Variants in SLC22A8 observed in about 807,000 individuals in gnomAD.
SLC22A8 encodes the protein organic anion transporter 3.
Under a neutral mutation model 48.4 loss-of-function variants are expected in SLC22A8, and 40 were observed. That is an observed-to-expected ratio of 0.83 (90% CI 0.64 to 1.08). The LOEUF (loss-of-function observed/expected upper bound fraction) is 1.08. SLC22A8 is among the 50% of genes least tolerant of loss of function. SLC22A8 has a pLI of 0.00. For synonymous variants in SLC22A8, 268 were observed against 286.3 expected, an observed-to-expected ratio of 0.94 and a Z score of 0.65; for missense variants, 606 against 699.0, an observed-to-expected ratio of 0.87 and a Z score of 1.50.
In SLC22A8 at chr11:62,999,742, G is replaced by A. The variant is rs147357020; in HGVS notation, c.538C>T (p.Arg180Cys). 6.8e-6 allele frequency: 11 copies of A among 1,606,854 alleles called. No homozygotes were observed. The highest frequency in any genetic ancestry group is 5.4e-5 in the African/African-American group (4 of 74,618). ...SPTFPIYMVF[R>C]FLCGFGISGI... is the part of the protein sequence containing the mutation. Reference sequence around the variant, plus strand: ...GAGATGCCAAAGCCACACAGGAAGCGGAAGACCATGTAGATGGGGAAGGTG... The same window carrying A: ...GAGATGCCAAAGCCACACAGGAAGCAGAAGACCATGTAGATGGGGAAGGTG... Residue 180 changes from arginine to cysteine, a missense_variant, in exon 4 of 11, where the codon CGC (arginine) becomes TGC (cysteine). By Grantham distance (180) the Arg-to-Cys change is radical. Coordinates refer to ENST00000336232, the MANE Select transcript of SLC22A8 (RefSeq NM_004254.4).
chr11:62,999,766 T>G lies in SLC22A8; in HGVS notation c.514A>C (p.Thr172Pro). ...ASGSGAAFSP[T>P]FPIYMVFRFL... ...CGGAAGACCATGTAGATGGGGAAGG[T>G]GGGGCTGAAGGCTGCACCGGAGCCG... Residue 172 changes from threonine to proline, a missense_variant, in exon 4 of 11, where the codon ACC becomes CCC. Thr to Pro is a conservative substitution (Grantham distance 38, BLOSUM62 -1). Coordinates refer to ENST00000336232, the MANE Select transcript of SLC22A8 (RefSeq NM_004254.4). 6.2e-7 allele frequency: 1 copy of G among 1,606,648 alleles called. No individual in the cohort carries two copies. The highest frequency in any genetic ancestry group is 8.5e-7 in the Non-Finnish European group (1 of 1,176,456).
chr11:62,993,493 C>T lies in SLC22A8; in HGVS notation c.1460G>A (p.Ser487Asn). Residue 487 changes from serine (S) to asparagine (N), a missense_variant, in exon 10 of 11, where the codon AGT (serine) becomes AAT (asparagine). Physicochemically the swap from Ser to Asn is conservative, Grantham distance 46. Coordinates refer to ENST00000336232, the MANE Select transcript of SLC22A8 (RefSeq NM_004254.4). ...IYGITALLGG[S>N]AALFLPETLN... ...GGTCTCAGGCAGGAAGAGGGCAGCA[C>T]TGCCCCCGAGGAGGGCGGTGATCCC... The T allele has an allele frequency of 6.2e-7, 1 of 1,614,212 alleles. No individual in the cohort carries two copies. The highest frequency in any genetic ancestry group is 8.5e-7 in the Non-Finnish European group (1 of 1,180,030).
chr11:63,007,224 G>C lies in SLC22A8; in HGVS notation c.334-6401C>G, dbSNP rs554949554. On this transcript the variant is annotated intron_variant, in intron 2 of 10. Transcript: ENST00000336232. ...AAAGGCAACTTGTTGGTTGAACAGA[G>C]CCAGTTACTCAACCTCCTGGTGGTT... is the stretch of plus-strand genomic sequence containing the variant. 7.2e-5 allele frequency among the ~76,000 whole-genome samples: 11 copies of C among 152,334 alleles called. No individual in the cohort carries two copies. In the South Asian group the frequency reaches 2.1e-3, roughly 29 times the overall value.
In SLC22A8 at chr11:63,001,009, C is replaced by T; in HGVS notation, c.334-186G>A. On this transcript the variant is annotated intron_variant, in intron 2 of 10. Coordinates refer to ENST00000336232, the MANE Select transcript of SLC22A8 (RefSeq NM_004254.4). ...TTGGGTTTGTCTGTGGCTCTTCGGC[C>T]CCTGACCTGCATCCCTCAGGCATGT... 3.5e-6 allele frequency: 2 copies of T among 572,218 alleles called. 1 individual carries two copies. The highest frequency in any genetic ancestry group is 3.9e-5 in the South Asian group (2 of 51,218). The allele number at this position is 572,218 out of a possible 1,614,324, so 35.4% of individuals were successfully genotyped here. A position where few individuals can be genotyped will look rare whatever the true frequency, so the allele number is the denominator to read the frequency against.
Position 63,000,701 on chromosome 11 carries a change from C to G in SLC22A8, c.437+19G>C. On this transcript the variant is annotated intron_variant, in intron 3 of 10. Coordinates refer to ENST00000336232, the MANE Select transcript of SLC22A8 (RefSeq NM_004254.4). ...TCCCCATGGGTCATGCTTCCATGGG[C>G]TGTGCCCCCATGTCTCACCTGTCAG... The G allele has an allele frequency of 6.5e-7, 1 of 1,541,274 alleles. No individual in the cohort carries two copies.
Position 63,006,595 on chromosome 11 carries a change from G to GTTTTTTTTTTTTTTTTTTTTTTTTTTTT in SLC22A8, c.334-5800_334-5773dup, listed in dbSNP as rs58058368. 9.7e-5 allele frequency among the ~76,000 whole-genome samples: 5 copies of GTTTTTTTTTTTTTTTTTTTTTTTTTTTT among 51,402 alleles called. 1 individual carries two copies. The highest frequency in any genetic ancestry group is 2.4e-4 in the Admixed American group (1 of 4,122). 33.7% of individuals were successfully genotyped at this position (51,402 alleles called of 152,430 possible). On this transcript the variant is annotated intron_variant, in intron 2 of 10. Coordinates refer to ENST00000336232, the MANE Select transcript of SLC22A8 (RefSeq NM_004254.4). Reference sequence around the variant, plus strand: ...TGAGGACTGAGAATGTCTCATTTGAGTTTTTTTTTTTTTTTTTTTTTTTTT... The same window carrying GTTTTTTTTTTTTTTTTTTTTTTTTTTTT: ...TGAGGACTGAGAATGTCTCATTTGAGTTTTTTTTTTTTTTTTTTTTTTTTTTTTTTTTTTTTTTTTTTTTTTTTTTTTT...
At position 63,001,767 on chromosome 11, in the gene SLC22A8, C is replaced by T. The variant is rs534821960; in HGVS notation, c.334-944G>A. On this transcript the variant is annotated intron_variant, in intron 2 of 10. Transcript: ENST00000336232. ...CTACAACTCCAGCCCAACCTATCTT[C>T]TGACCCACAGAGGAGTAGATTCAGT... Among the ~76,000 whole-genome samples, 8 of 152,276 alleles carry T rather than the reference C, an allele frequency of 5.3e-5. No homozygotes were observed. In the South Asian group the frequency reaches 1.7e-3, roughly 32 times the overall value.
At chr11:63,008,106 G>A (rs2086576434) in intron 2 of SLC22A8, among the ~76,000 whole-genome samples, 1 of 152,080 alleles carries the variant, frequency 6.6e-6, no homozygotes, top group African/African-American at 2.4e-5. Context: ...TGGGATTGTG[G>A]TCAAGGAGGC....
In SLC22A8 at chr11:63,014,680, C is replaced by T. The variant is rs1051474348; in HGVS notation, c.279G>A (p.Glu93=). 1.2e-6 allele frequency: 2 copies of T among 1,612,982 alleles called. No individual in the cohort carries two copies. The highest frequency in any genetic ancestry group is 1.7e-6 in the Non-Finnish European group (2 of 1,179,174). The change falls in exon 2 of 11, where the codon GAG becomes GAA. Residue 93 remains glutamate (E), a synonymous_variant. Coordinates refer to ENST00000336232, the MANE Select transcript of SLC22A8 (RefSeq NM_004254.4). ...TGTAGACCCAGCCATCCAGGCATGG[C>T]TCCATGGCCCTCTGGGTGTCATTGG... The part of the protein sequence containing the change: ...SLPNDTQRAM[E]PCLDGWVYNS...
At chr11:62,995,440 G>T in intron 7 of SLC22A8, 1 of 528,898 alleles carries the variant, frequency 1.9e-6, no homozygotes. Context: ...ATGTGAGCTG[G>T]GGAAGGGGCC....
intron 2 of SLC22A8, among the ~76,000 whole-genome samples, chr11:63,004,861 T>A (rs1363788916): frequency 6.6e-6 from 1 of 152,158 alleles, no homozygotes. Flanking sequence ...CCTTAGAAGT[T>A]AGAGATCTGC....
intron 4 of SLC22A8, chr11:62,999,301 G>C: frequency 3.7e-6 from 2 of 543,800 alleles, no homozygotes; most frequent in Middle Eastern, 9.7e-4. Flanking sequence ...GGCTCAAGGC[G>C]ATAGGACTCA....
Position 62,999,099 on chromosome 11 carries a change from G to T in SLC22A8, c.593-10C>A. ...GGCACCCATTCCACATCTGTGGGAG[G>T]AGTCCAAGCACCAGATTAGTGTTCT... On this transcript the variant is annotated splice_polypyrimidine_tract_variant and intron_variant, in intron 4 of 10. Coordinates refer to ENST00000336232, the MANE Select transcript of SLC22A8 (RefSeq NM_004254.4). The T allele has an allele frequency of 6.2e-7, 1 of 1,608,992 alleles. No individual in the cohort carries two copies. The highest frequency in any genetic ancestry group is 2.2e-5 in the East Asian group (1 of 44,738).
At chr11:63,003,468 A>AG (rs926316009) in intron 2 of SLC22A8, among the ~76,000 whole-genome samples, 3 of 152,014 alleles carry the variant, frequency 2.0e-5, no homozygotes, top group African/African-American at 7.3e-5. Context: ...GAGGAGATGG[A>AG]GGAGGGACAA....
intron 2 of SLC22A8, among the ~76,000 whole-genome samples, chr11:63,009,440 C>G (rs930039431): frequency 8.5e-5 from 13 of 152,084 alleles, no homozygotes; most frequent in Non-Finnish European, 8.8e-5. Flanking sequence ...GGCCCAGAGA[C>G]GAAGCCCAGG....
chr11:63,003,622 C>T (rs1039330881), intron 2 of SLC22A8, among the ~76,000 whole-genome samples: 1 of 152,210 alleles, frequency 6.6e-6, no homozygotes, highest in Non-Finnish European at 1.5e-5. Context: ...TAAATTCATT[C>T]ACCCCTTCTT....
intron 4 of SLC22A8, 79 bp downstream of exon 4, chr11:62,999,609 G>T: frequency 7.9e-7 from 1 of 1,261,818 alleles, no homozygotes; most frequent in Non-Finnish European, 1.1e-6. Context: ...CTGTGGTTGA[G>T]CCAGACCCAG....
chr11:63,012,273 G>A (rs533667529), intron 2 of SLC22A8, among the ~76,000 whole-genome samples: 62 of 152,190 alleles, frequency 4.1e-4, no homozygotes, highest in African/African-American at 1.5e-3. Flanking sequence ...TTACAGGTGT[G>A]AGCCACTGCA....
At chr11:63,000,489 GAA>G (rs59363642) in intron 3 of SLC22A8, among the ~76,000 whole-genome samples, 9 of 88,360 alleles carry the variant, frequency 1.0e-4, no homozygotes, top group African/African-American at 2.5e-4. Context: ...CGTCTTAAGA[GAA>G]AAAAAAAAAA....
Sources: allele counts gnomAD v4.1 joint callset (sites outside exome capture counted in the v4.1 genomes callset), GRCh38; gene constraint gnomAD v4.1.1; transcripts MANE v1.5; gene names NCBI Gene and HGNC (gene_info 2026-07-23, HGNC 2026-07-21).